Variants in HMBOX1 observed in about 807,000 individuals in gnomAD.
HMBOX1 encodes homeobox containing 1, also known as homeobox-containing protein 1.
HMBOX1 carries 14 observed loss-of-function variants against 54.5 expected under a neutral mutation model. The ratio of observed to expected loss-of-function variants is 0.26; its 90% CI spans 0.17 to 0.40. The LOEUF (loss-of-function observed/expected upper bound fraction) is 0.40, where lower values mean the gene tolerates loss of function less well. Ranked by LOEUF, HMBOX1 falls within the 10% of genes least tolerant of loss-of-function variation. The pLI is 1.00. For missense variants in HMBOX1, 332 were observed against 514.4 expected (o/e 0.65, Z 3.43); for synonymous variants, 160 against 181.0 (o/e 0.88, Z 0.93).
Position 28,978,852 on chromosome 8 carries a change from A to G in HMBOX1, c.501-1219A>G, listed in dbSNP as rs367736061. ...TATACAAGACAGAAAACAAACAGCCACAAATTTTTATTGACAAAAGTCAAT... is the reference window on the plus strand; with the variant it reads ...TATACAAGACAGAAAACAAACAGCCGCAAATTTTTATTGACAAAAGTCAAT... On this transcript the variant is annotated intron_variant, in intron 3 of 9. Transcript: ENST00000287701. Among the ~76,000 whole-genome samples, 10 of 151,970 alleles carry G rather than the reference A, an allele frequency of 6.6e-5. 1 individual carries two copies. The highest frequency in any genetic ancestry group is 2.4e-4 in the African/African-American group (10 of 41,506).
intron 1 of HMBOX1, among the ~76,000 whole-genome samples, chr8:28,911,012 C>T (rs189671932): frequency 1.3e-5 from 2 of 152,300 alleles, no homozygotes; most frequent in East Asian, 1.9e-4. Flanking sequence ...TAAATGACCA[C>T]GTCAGTGTTT....
chr8:29,044,234 A>C (rs1805257563), intron 6 of HMBOX1, among the ~76,000 whole-genome samples: 1 of 152,164 alleles, frequency 6.6e-6, no homozygotes, highest in South Asian at 2.1e-4. Flanking sequence ...AGGAGTGCTG[A>C]AGGCATAAGA....
chr8:29,026,902 CAG>C (rs979903998), intron 6 of HMBOX1, among the ~76,000 whole-genome samples: 4 of 152,058 alleles, frequency 2.6e-5, no homozygotes, highest in African/African-American at 7.2e-5. Context: ...GGGATTATAA[CAG>C]GGAAAAGATG....
chr8:28,973,802 A>ATTTTTTTTTTT (rs1827845480), intron 3 of HMBOX1, among the ~76,000 whole-genome samples: 1 of 76,570 alleles, frequency 1.3e-5, no homozygotes, highest in African/African-American at 4.5e-5. Context: ...TACATAATGG[A>ATTTTTTTTTTT]GTTTTTTTTT....
At chr8:28,995,167 C>T (rs1586351605) in intron 4 of HMBOX1, among the ~76,000 whole-genome samples, 1 of 152,268 alleles carries the variant, frequency 6.6e-6, no homozygotes, top group East Asian at 1.9e-4. Context: ...TTTCCAGTCC[C>T]CCAGTCCTCC....
At chr8:29,022,279 G>A (rs577092533) in intron 6 of HMBOX1, among the ~76,000 whole-genome samples, 4 of 152,076 alleles carry the variant, frequency 2.6e-5, no homozygotes, top group Non-Finnish European at 4.4e-5. Context: ...TTAGCAAGGC[G>A]TGGTAGGGCA....
chr8:28,897,052 T>A lies in HMBOX1; in HGVS notation c.-58+6374T>A, dbSNP rs556109601. On this transcript the variant is annotated intron_variant, in intron 1 of 9. Coordinates refer to ENST00000287701, the MANE Select transcript of HMBOX1 (RefSeq NM_001135726.3). ...CAGGCTGGAGTACAATGGCGCGATGTCATCTCACCGCAACTTCTGCCACCC... is the reference window on the plus strand; with the variant it reads ...CAGGCTGGAGTACAATGGCGCGATGACATCTCACCGCAACTTCTGCCACCC... Among the ~76,000 whole-genome samples, 468 of 151,816 alleles carry A rather than the reference T, an allele frequency of 3.1e-3. 1 individual carries two copies. Among genetic ancestry groups the A allele is most frequent in the Non-Finnish European group, 5.2e-3 (352 of 67,938 alleles).
At chr8:29,034,753 A>T (rs891699660) in intron 6 of HMBOX1, among the ~76,000 whole-genome samples, 2 of 152,194 alleles carry the variant, frequency 1.3e-5, no homozygotes, top group Admixed American at 1.3e-4. Flanking sequence ...GCTACTTGGG[A>T]GGCTGAGGCA....
chr8:28,989,252 A>G (rs1830601367), intron 4 of HMBOX1, among the ~76,000 whole-genome samples: 1 of 152,182 alleles, frequency 6.6e-6, no homozygotes, highest in African/African-American at 2.4e-5. Flanking sequence ...AGCCTGGGCA[A>G]CAAGAGTGAA....
intron 4 of HMBOX1, among the ~76,000 whole-genome samples, chr8:28,989,274 GAA>G (rs1179267952): frequency 7.3e-6 from 1 of 136,398 alleles, no homozygotes. Flanking sequence ...CTCTGTCTCA[GAA>G]AAAAAAAAAA....
intron 5 of HMBOX1, among the ~76,000 whole-genome samples, chr8:29,014,266 G>A (rs1834660561): frequency 7.7e-6 from 1 of 129,980 alleles, no homozygotes; most frequent in South Asian, 2.7e-4. Flanking sequence ...AACTTAGATG[G>A]GGGGAAAAAA....
At chr8:29,026,043 TACAC>T (rs35597688) in intron 6 of HMBOX1, among the ~76,000 whole-genome samples, 13,718 of 143,178 alleles carry the variant, frequency 0.096, 1,144 homozygotes, top group African/African-American at 0.22. Flanking sequence ...TGCTACCATG[TACAC>T]ACACACACAC....
intron 6 of HMBOX1, among the ~76,000 whole-genome samples, chr8:29,020,914 C>T (rs1801047457): frequency 6.6e-6 from 1 of 152,180 alleles, no homozygotes. Flanking sequence ...TGGTGGTTCA[C>T]ACCTATAATT....
intron 3 of HMBOX1, among the ~76,000 whole-genome samples, chr8:28,979,738 C>T (rs1381795517): frequency 6.6e-6 from 1 of 152,100 alleles, no homozygotes; most frequent in Non-Finnish European, 1.5e-5. Context: ...TATATTCATT[C>T]CCCAGTAATG....
At position 28,970,025 on chromosome 8, in the gene HMBOX1, T is replaced by G; in HGVS notation, c.24-18T>G. The stretch of plus-strand genomic sequence containing the variant: ...ATACTGTCAATAAAGAGACTTCTTT[T>G]TATCTCTTTTTTTTTAGTTTGCTGG... On this transcript the variant is annotated intron_variant, in intron 2 of 9. Transcript: ENST00000287701. The surrounding 1 kb of genome is among the most constrained non-coding windows in gnomAD (Gnocchi z 4.3). 2.0e-6 allele frequency: 3 copies of G among 1,471,334 alleles called. No individual in the cohort carries two copies. Among genetic ancestry groups the G allele is most frequent in the Non-Finnish European group, 2.8e-6 (3 of 1,059,022 alleles). 91.1% of individuals were successfully genotyped at this position (1,471,334 alleles called of 1,614,324 possible).
intron 1 of HMBOX1, among the ~76,000 whole-genome samples, chr8:28,894,015 A>G (rs1811557088): frequency 1.3e-5 from 2 of 152,220 alleles, no homozygotes; most frequent in African/African-American, 4.8e-5. Context: ...AACTTTTTAA[A>G]TACATGAACA....
chr8:29,039,049 C>A (rs1463672340), intron 6 of HMBOX1, among the ~76,000 whole-genome samples: 2 of 152,150 alleles, frequency 1.3e-5, no homozygotes, highest in East Asian at 3.9e-4. Flanking sequence ...CCCTGAAAAC[C>A]CTTGCTCTTT....
intron 4 of HMBOX1, among the ~76,000 whole-genome samples, chr8:28,991,247 C>G (rs1187878034): frequency 6.6e-6 from 1 of 152,122 alleles, no homozygotes; most frequent in Non-Finnish European, 1.5e-5. Context: ...TAAAGATTGC[C>G]AGCACTTTTC....
intron 1 of HMBOX1, among the ~76,000 whole-genome samples, chr8:28,906,883 C>T (rs1377319932): frequency 6.6e-6 from 1 of 152,194 alleles, no homozygotes; most frequent in East Asian, 1.9e-4. Flanking sequence ...TGAGCCACCA[C>T]ACCTGGCCTT....
Sources: gnomAD v4.1 joint callset for allele counts (sites outside exome capture counted in the v4.1 genomes callset) on GRCh38, gnomAD v4.1.1 for gene constraint, Gnocchi (gnomAD v3.1) non-coding constraint, MANE v1.5 for transcripts, NCBI Gene and HGNC (gene_info 2026-07-23, HGNC 2026-07-21) for gene names.